The following NOL4 variants were observed in gnomAD, a reference collection of about 807,000 sequenced individuals.
NOL4 encodes nucleolar protein 4.
Under a neutral mutation model 75.9 loss-of-function variants are expected in NOL4, and 17 were observed. The observed-to-expected ratio is 0.22, with a 90% CI of 0.15 to 0.34. The LOEUF is 0.34. Among genes scored for constraint, NOL4 ranks in the 10% least tolerant of loss-of-function variants. The probability of loss-of-function intolerance (pLI) is 1.00; values close to 1 mark genes in which losing one functional copy is unlikely to be tolerated. For synonymous variants in NOL4, 292 were observed against 289.9 expected (o/e 1.01, Z -0.07); for missense variants, 614 against 793.5 (o/e 0.77, Z 2.72).
chr18:33,942,120 T>C (rs1333436745), intron 9 of NOL4, among the ~76,000 whole-genome samples: 1 of 151,934 alleles, frequency 6.6e-6, no homozygotes, highest in Non-Finnish European at 1.5e-5. Context: ...AAGCCTGAAA[T>C]GAAAAAACGT....
intron 10 of NOL4, among the ~76,000 whole-genome samples, chr18:33,861,912 A>C (rs571631194): frequency 2.6e-5 from 4 of 152,280 alleles, no homozygotes; most frequent in Middle Eastern, 3.4e-3. Flanking sequence ...AGAATTGGAA[A>C]AAACTACTTT....
intron 2 of NOL4, among the ~76,000 whole-genome samples, chr18:34,117,376 T>C (rs1296274425): frequency 1.3e-5 from 2 of 152,220 alleles, no homozygotes; most frequent in Non-Finnish European, 2.9e-5. Flanking sequence ...TGAAAAAAGA[T>C]AGAGACTGTT....
chr18:34,209,612 G>T (rs2146547836), intron 1 of NOL4, among the ~76,000 whole-genome samples: 1 of 152,192 alleles, frequency 6.6e-6, no homozygotes, highest in Non-Finnish European at 1.5e-5. Flanking sequence ...GGTCTCATTT[G>T]TGTATATAGA....
At chr18:33,974,364 A>T (rs568573917) in intron 6 of NOL4, among the ~76,000 whole-genome samples, 1 of 152,202 alleles carries the variant, frequency 6.6e-6, no homozygotes, top group East Asian at 1.9e-4. Context: ...GACTATTAAA[A>T]CCTTCTCCAT....
intron 5 of NOL4, among the ~76,000 whole-genome samples, chr18:34,044,543 T>G (rs1473771190): frequency 6.6e-6 from 1 of 152,108 alleles, no homozygotes; most frequent in Non-Finnish European, 1.5e-5. Flanking sequence ...ATGACAAGTT[T>G]TCATATACTC....
intron 9 of NOL4, among the ~76,000 whole-genome samples, chr18:33,910,204 G>A (rs1280567239): frequency 6.6e-6 from 1 of 151,940 alleles, no homozygotes; most frequent in Non-Finnish European, 1.5e-5. Context: ...TTTTTTTCTG[G>A]CACAATGAAC....
At chr18:34,080,586 C>T (rs2077963125) in intron 5 of NOL4, among the ~76,000 whole-genome samples, 1 of 152,164 alleles carries the variant, frequency 6.6e-6, no homozygotes, top group Non-Finnish European at 1.5e-5. Flanking sequence ...AACTTTGATA[C>T]TGTGAAGGCT....
At chr18:34,172,229 T>G (rs2146271780) in intron 1 of NOL4, among the ~76,000 whole-genome samples, 1 of 152,254 alleles carries the variant, frequency 6.6e-6, no homozygotes, top group East Asian at 1.9e-4. Flanking sequence ...GAACTAAATA[T>G]TTTTGGATAA....
intron 5 of NOL4, among the ~76,000 whole-genome samples, chr18:34,076,488 C>T (rs757410703): frequency 2.0e-5 from 3 of 152,136 alleles, no homozygotes; most frequent in African/African-American, 4.8e-5. Context: ...AAAAGTTACC[C>T]TTAGACTTGA....
chr18:34,013,380 C>A (rs1003556904), intron 6 of NOL4, among the ~76,000 whole-genome samples: 2 of 151,850 alleles, frequency 1.3e-5, no homozygotes, highest in African/African-American at 2.4e-5. Context: ...CACCTAAAGT[C>A]ATCTTGTAAA....
intron 6 of NOL4, among the ~76,000 whole-genome samples, chr18:33,971,874 ACT>A: frequency 6.6e-6 from 1 of 152,300 alleles, no homozygotes. Context: ...AACCAAAAAT[ACT>A]TTTTTAAGGC....
chr18:34,156,765 C>G (rs1296545539), intron 1 of NOL4: 1 of 152,400 alleles, frequency 6.6e-6, no homozygotes, highest in Non-Finnish European at 1.5e-5. Flanking sequence ...ATTCTCCACC[C>G]TACAGCCTAA....
chr18:33,890,519 A>C (rs538922317), intron 9 of NOL4, among the ~76,000 whole-genome samples: 1 of 152,118 alleles, frequency 6.6e-6, no homozygotes, highest in Non-Finnish European at 1.5e-5. Flanking sequence ...AATTGGAAAA[A>C]ACTTTAAAAT....
chr18:34,197,748 AG>A (rs1280271468), intron 1 of NOL4, among the ~76,000 whole-genome samples: 4 of 151,982 alleles, frequency 2.6e-5, no homozygotes, highest in Admixed American at 1.3e-4. Flanking sequence ...GGAACAACAT[AG>A]GAAAAGGCCT....
At chr18:34,090,964 T>A (rs1321468853) in intron 5 of NOL4, among the ~76,000 whole-genome samples, 3 of 152,030 alleles carry the variant, frequency 2.0e-5, no homozygotes, top group African/African-American at 7.2e-5. Context: ...AAATTGATAT[T>A]GAAACTTAAT....
intron 9 of NOL4, among the ~76,000 whole-genome samples, chr18:33,895,171 G>A (rs1446393422): frequency 6.6e-6 from 1 of 151,916 alleles, no homozygotes; most frequent in Non-Finnish European, 1.5e-5. Context: ...ATACAAATTT[G>A]AGAATGATAG....
intron 5 of NOL4, among the ~76,000 whole-genome samples, chr18:34,029,147 A>G (rs1396466949): frequency 6.6e-6 from 1 of 152,170 alleles, no homozygotes; most frequent in Non-Finnish European, 1.5e-5. Flanking sequence ...CAGTACAATT[A>G]CTAATCATGC....
intron 1 of NOL4, among the ~76,000 whole-genome samples, chr18:34,142,826 CTAAATAAA>C (rs1012711981): frequency 6.6e-6 from 1 of 151,760 alleles, no homozygotes; most frequent in East Asian, 1.9e-4. Flanking sequence ...TACTTAAAGT[CTAAATAAA>C]TAAATAAATA....
intron 9 of NOL4, among the ~76,000 whole-genome samples, chr18:33,934,223 A>T (rs1371563942): frequency 2.6e-5 from 4 of 152,032 alleles, no homozygotes; most frequent in Non-Finnish European, 5.9e-5. Context: ...CTCTAAACAG[A>T]TGTGCAATCA....
Sources: gnomAD v4.1 joint callset for allele counts (sites outside exome capture counted in the v4.1 genomes callset) on GRCh38, gnomAD v4.1.1 for gene constraint, MANE v1.5 for transcripts, NCBI Gene and HGNC (gene_info 2026-07-23, HGNC 2026-07-21) for gene names.